INPP4B: variants seen among roughly 807,000 people sequenced by gnomAD.
INPP4B encodes inositol polyphosphate 4-phosphatase type II.
In INPP4B, 55 loss-of-function variants were observed where a neutral mutation model predicts 122.5. The ratio of observed to expected loss-of-function variants is 0.45; its 90% CI spans 0.36 to 0.56. The LOEUF is 0.56. Among genes scored for constraint, INPP4B ranks in the 20% least tolerant of loss-of-function variants. The pLI is 0.00. For missense variants in INPP4B, 1,000 were observed against 1,097.7 expected, an observed-to-expected ratio of 0.91 and a Z score of 1.26; for synonymous variants, 403 against 388.7, an observed-to-expected ratio of 1.04 and a Z score of -0.43.
At chr4:142,358,833 A>G (rs961200091) in intron 7 of INPP4B, among the ~76,000 whole-genome samples, 2 of 151,916 alleles carry the variant, frequency 1.3e-5, no homozygotes, top group African/African-American at 4.8e-5. Context: ...ATGCTTAACA[A>G]TGCCTCAGGT....
intron 15 of INPP4B, among the ~76,000 whole-genome samples, chr4:142,180,410 C>T (rs1830250493): frequency 6.6e-6 from 1 of 152,014 alleles, no homozygotes; most frequent in East Asian, 1.9e-4. Context: ...CCTAATAAAG[C>T]CAATATTTTA....
rs1222034838 is a variant in INPP4B, at chr4:142,258,209, G to A, written c.688+2283C>T. ...CCTTATACAAAAATCAATTCAAGAT[G>A]GATTAAAGACTTAAACGTTACACCT... On this transcript the variant is annotated intron_variant, in intron 11 of 25. Transcript: ENST00000262992. 2.0e-5 allele frequency among the ~76,000 whole-genome samples: 3 copies of A among 152,072 alleles called. No homozygotes were observed. The East Asian group carries it at 5.8e-4, about 29-fold the overall frequency.
intron 2 of INPP4B, among the ~76,000 whole-genome samples, chr4:142,558,110 A>T (rs1729615648): frequency 6.6e-6 from 1 of 152,124 alleles, no homozygotes; most frequent in Non-Finnish European, 1.5e-5. Flanking sequence ...CTTTCATTTT[A>T]AATTCTGTAC....
rs140508204 is a variant in INPP4B, at chr4:142,229,330, A to C, written c.836+8534T>G. Reference sequence around the variant, plus strand: ...GAAAAATAAAGTTATAAAATGAAGCATAGTGTGATTCTCAATAAAGTATTT... The same window carrying C: ...GAAAAATAAAGTTATAAAATGAAGCCTAGTGTGATTCTCAATAAAGTATTT... On this transcript the variant is annotated intron_variant, in intron 12 of 25. Transcript: ENST00000262992. Among the ~76,000 whole-genome samples, 5 of 152,288 alleles carry C rather than the reference A, an allele frequency of 3.3e-5. 1 individual carries two copies. Among genetic ancestry groups the C allele is most frequent in the Non-Finnish European group, 5.9e-5 (4 of 68,012 alleles).
At chr4:142,393,339 T>C (rs1446987078) in intron 7 of INPP4B, among the ~76,000 whole-genome samples, 1 of 152,128 alleles carries the variant, frequency 6.6e-6, no homozygotes, top group African/African-American at 2.4e-5. Flanking sequence ...TTATGCTAAA[T>C]ATAACATAAT....
chr4:142,820,192 T>C (rs1389420364), intron 1 of INPP4B, among the ~76,000 whole-genome samples: 2 of 152,168 alleles, frequency 1.3e-5, no homozygotes, highest in Non-Finnish European at 2.9e-5. Flanking sequence ...AAACCCCATG[T>C]TGAAGTCTTA....
At chr4:142,599,482 C>G (rs1739416407) in intron 2 of INPP4B, among the ~76,000 whole-genome samples, 1 of 152,040 alleles carries the variant, frequency 6.6e-6, no homozygotes, top group African/African-American at 2.4e-5. Context: ...AAATCAAAGC[C>G]AAAGAACCCT....
intron 7 of INPP4B, among the ~76,000 whole-genome samples, chr4:142,315,569 C>G (rs1007813875): frequency 6.6e-6 from 1 of 151,950 alleles, no homozygotes; most frequent in Non-Finnish European, 1.5e-5. Context: ...TCCATGCCCC[C>G]AGATATTCTG....
chr4:142,291,753 G>A (rs1489248568), intron 9 of INPP4B, among the ~76,000 whole-genome samples: 1 of 152,016 alleles, frequency 6.6e-6, no homozygotes. Flanking sequence ...TTGAGGAATG[G>A]ACCTATAAGG....
chr4:142,467,192 C>A (rs891199342), intron 2 of INPP4B, among the ~76,000 whole-genome samples: 1 of 152,220 alleles, frequency 6.6e-6, no homozygotes, highest in Non-Finnish European at 1.5e-5. Context: ...GACCTCCAGA[C>A]CTGAGAATGG....
chr4:142,268,348 G>GAAAAAAAA (rs1383781390), intron 10 of INPP4B, among the ~76,000 whole-genome samples: 3 of 26,768 alleles, frequency 1.1e-4, no homozygotes, highest in Admixed American at 4.8e-4. Context: ...AAAAAAAAAT[G>GAAAAAAAA]AGGGGTAAGT....
chr4:142,049,788 G>C (rs1560940599), intron 25 of INPP4B, among the ~76,000 whole-genome samples: 1 of 152,024 alleles, frequency 6.6e-6, no homozygotes, highest in Non-Finnish European at 1.5e-5. Context: ...AGATACACTT[G>C]ACTAAAATGT....
intron 2 of INPP4B, among the ~76,000 whole-genome samples, chr4:142,683,511 T>C (rs900147367): frequency 6.6e-6 from 1 of 151,742 alleles, no homozygotes; most frequent in Non-Finnish European, 1.5e-5. Flanking sequence ...AAAAATGCTA[T>C]CTACCGCTTG....
At chr4:142,030,146 G>C in intron 25 of INPP4B, 1 of 1,535,204 alleles carries the variant, frequency 6.5e-7, no homozygotes, top group East Asian at 2.4e-5. Flanking sequence ...ATTTGGCTAA[G>C]AGTAACGCCA....
At chr4:142,331,200 A>C (rs1057169156) in intron 7 of INPP4B, among the ~76,000 whole-genome samples, 1 of 152,182 alleles carries the variant, frequency 6.6e-6, no homozygotes, top group African/African-American at 2.4e-5. Flanking sequence ...GGAGGAAGCT[A>C]CCATTCATAG....
intron 14 of INPP4B, among the ~76,000 whole-genome samples, chr4:142,206,931 G>T (rs907371536): frequency 6.6e-6 from 1 of 152,030 alleles, no homozygotes; most frequent in Admixed American, 6.6e-5. Context: ...CTGCGACTGT[G>T]TACCTTTGAC....
intron 12 of INPP4B, among the ~76,000 whole-genome samples, chr4:142,230,292 C>A (rs575886815): frequency 6.6e-6 from 1 of 152,122 alleles, no homozygotes; most frequent in East Asian, 1.9e-4. Flanking sequence ...GAGTGATGGT[C>A]ACAGGAAACA....
At chr4:142,309,377 G>A (rs556676510) in intron 8 of INPP4B, among the ~76,000 whole-genome samples, 35 of 152,056 alleles carry the variant, frequency 2.3e-4, no homozygotes, top group African/African-American at 7.7e-4. Context: ...AAGATACAAA[G>A]GCCAAAAGGT....
intron 2 of INPP4B, among the ~76,000 whole-genome samples, chr4:142,611,499 C>A (rs1560863398): frequency 6.6e-6 from 1 of 151,780 alleles, no homozygotes; most frequent in African/African-American, 2.4e-5. Context: ...GAATTAAACA[C>A]TTTTATCTGG....
Sources: allele counts gnomAD v4.1 joint callset (sites outside exome capture counted in the v4.1 genomes callset), GRCh38; gene constraint gnomAD v4.1.1; transcripts MANE v1.5; gene names NCBI Gene and HGNC (gene_info 2026-07-23, HGNC 2026-07-21).